TENM4: variants seen among roughly 807,000 people sequenced by gnomAD.
TENM4 encodes the protein teneurin transmembrane protein 4.
A neutral mutation model predicts 243.3 loss-of-function variants in TENM4; 82 were observed. The observed-to-expected ratio is 0.34, with a 90% CI of 0.28 to 0.40. The LOEUF (loss-of-function observed/expected upper bound fraction) is 0.40. Among genes scored for constraint, TENM4 ranks in the 10% least tolerant of loss-of-function variants. The pLI, the probability that TENM4 is intolerant of heterozygous loss-of-function variation, is 1.00. For missense variants in TENM4, 3,138 were observed against 3,673.3 expected, an observed-to-expected ratio of 0.85 and a Z score of 3.77; for synonymous variants, 1,412 against 1,456.3, an observed-to-expected ratio of 0.97 and a Z score of 0.69.
rs560826655 is a variant in TENM4 at position 78,658,008 on chromosome 11, C to T, written c.*50G>A. The T allele has an allele frequency of 5.3e-5, 86 of 1,607,738 alleles. No individual in the cohort carries two copies. The highest frequency in any genetic ancestry group is 1.6e-4 in the Middle Eastern group (1 of 6,078). On this transcript the variant is annotated 3_prime_UTR_variant, in exon 34 of 34. Transcript: ENST00000278550. ...TAAAAGTACAACACAGTCAGGTATG[C>T]GGCCACAAAAGAGTAGCTGTCTTTG...
intron 3 of TENM4, among the ~76,000 whole-genome samples, chr11:79,172,852 G>A (rs1312025016): frequency 6.6e-6 from 1 of 152,018 alleles, no homozygotes; most frequent in African/African-American, 2.4e-5. Flanking sequence ...TGTTGGCCAG[G>A]CTGGTCTGCA....
At chr11:78,658,866 C>T (rs1347850509) in intron 33 of TENM4, 50 bp from the exon 34 acceptor site, 4 of 1,555,390 alleles carry the variant, frequency 2.6e-6, no homozygotes, top group African/African-American at 2.7e-5. Context: ...GGGAAAAAAC[C>T]CTGAGAACCT....
At chr11:78,943,369 G>C (rs1330785904) in intron 6 of TENM4, among the ~76,000 whole-genome samples, 1 of 152,218 alleles carries the variant, frequency 6.6e-6, no homozygotes. Context: ...TGGTGTGGGG[G>C]CAAGGGGTGG....
At chr11:79,154,308 G>A (rs1862562181) in intron 3 of TENM4, among the ~76,000 whole-genome samples, 1 of 151,912 alleles carries the variant, frequency 6.6e-6, no homozygotes, top group South Asian at 2.1e-4. Context: ...GAGAGGAGGT[G>A]CCATGTTCTT....
At chr11:79,285,432 T>C (rs1475769621) in intron 2 of TENM4, among the ~76,000 whole-genome samples, 1 of 152,158 alleles carries the variant, frequency 6.6e-6, no homozygotes, top group Admixed American at 6.5e-5. Flanking sequence ...CGTAGCTATA[T>C]TTGAAAATAG....
intron 21 of TENM4, among the ~76,000 whole-genome samples, chr11:78,730,418 CTG>C (rs1855627848): frequency 6.6e-6 from 1 of 152,188 alleles, no homozygotes; most frequent in Non-Finnish European, 1.5e-5. Flanking sequence ...CTGGCAGGAC[CTG>C]TGGTTCACAG....
At chr11:79,067,573 C>T (rs748757138) in intron 5 of TENM4, among the ~76,000 whole-genome samples, 1 of 150,498 alleles carries the variant, frequency 6.6e-6, no homozygotes, top group Non-Finnish European at 1.5e-5. Context: ...TTTTAAGCAG[C>T]CAGACTCAGC....
At chr11:79,060,478 T>C (rs1565186893) in intron 6 of TENM4, among the ~76,000 whole-genome samples, 2 of 152,234 alleles carry the variant, frequency 1.3e-5, no homozygotes, top group Non-Finnish European at 2.9e-5. Context: ...ACAATTACTA[T>C]TGACTAATGC....
chr11:79,385,374 G>A (rs900816583), intron 1 of TENM4, among the ~76,000 whole-genome samples: 1 of 152,154 alleles, frequency 6.6e-6, no homozygotes, highest in Non-Finnish European at 1.5e-5. Flanking sequence ...TGTTCATTCA[G>A]ATCACATATT....
intron 2 of TENM4, among the ~76,000 whole-genome samples, chr11:79,271,100 G>A (rs1292878697): frequency 6.6e-6 from 1 of 152,068 alleles, no homozygotes; most frequent in Non-Finnish European, 1.5e-5. Flanking sequence ...GGCTAAGAAT[G>A]GAATTAGTCA....
In TENM4 at chr11:79,218,717, A is replaced by G. The variant is rs187933238; in HGVS notation, c.-264-2808T>C. 2.8e-3 allele frequency among the ~76,000 whole-genome samples: 431 copies of G among 152,276 alleles called. 2 individuals are homozygous for G. Among genetic ancestry groups the G allele is most frequent in the Non-Finnish European group, 3.7e-3 (253 of 68,022 alleles). On this transcript the variant is annotated intron_variant, in intron 2 of 33. Transcript: ENST00000278550. ...TTCAATCTGTTTATTTCCTTTTCAAATCCCATCCCTAAATTCCCTTTTTTT... is the reference window on the plus strand; with the variant it reads ...TTCAATCTGTTTATTTCCTTTTCAAGTCCCATCCCTAAATTCCCTTTTTTT...
chr11:79,422,000 G>A (rs1025383395), intron 1 of TENM4, among the ~76,000 whole-genome samples: 3 of 152,004 alleles, frequency 2.0e-5, no homozygotes, highest in South Asian at 2.1e-4. Context: ...CACCCCACAC[G>A]TGGCGCCTGT....
At chr11:78,941,149 C>T (rs1056551293) in intron 6 of TENM4, among the ~76,000 whole-genome samples, 3 of 152,198 alleles carry the variant, frequency 2.0e-5, no homozygotes, top group Non-Finnish European at 2.9e-5. Flanking sequence ...ACCGGATCCC[C>T]GTGGGCTTGA....
intron 2 of TENM4, among the ~76,000 whole-genome samples, chr11:79,251,245 G>T (rs764331762): frequency 3.3e-5 from 5 of 152,182 alleles, no homozygotes; most frequent in Non-Finnish European, 5.9e-5. Flanking sequence ...GACCTTGGAA[G>T]GGTTTCCTCC....
intron 12 of TENM4, among the ~76,000 whole-genome samples, chr11:78,834,468 C>G (rs1357396051): frequency 6.6e-6 from 1 of 152,178 alleles, no homozygotes; most frequent in Non-Finnish European, 1.5e-5. Context: ...AGCTCTGTGT[C>G]AACTGCTGAC....
At chr11:79,214,481 C>T (rs1300314967) in intron 3 of TENM4, among the ~76,000 whole-genome samples, 1 of 152,106 alleles carries the variant, frequency 6.6e-6, no homozygotes, top group Non-Finnish European at 1.5e-5. Context: ...ATGTCTTTGT[C>T]GAATAACTAA....
intron 6 of TENM4, among the ~76,000 whole-genome samples, chr11:78,925,093 C>G (rs574725903): frequency 6.6e-6 from 1 of 152,300 alleles, no homozygotes; most frequent in East Asian, 1.9e-4. Context: ...CCTTCTAAAT[C>G]TTAATTCTTA....
intron 2 of TENM4, among the ~76,000 whole-genome samples, chr11:79,279,829 A>T (rs1159157034): frequency 1.3e-5 from 2 of 152,158 alleles, no homozygotes; most frequent in Admixed American, 1.3e-4. Context: ...CCTCTCCAAA[A>T]TTCACTTTGA....
Position 79,097,641 on chromosome 11 carries a change from A to G in TENM4, c.-65-27632T>C, listed in dbSNP as rs565398945. 2.2e-3 allele frequency: 329 copies of G among 152,332 alleles called. 1 individual carries two copies. The highest frequency in any genetic ancestry group is 7.5e-3 in the African/African-American group (311 of 41,582). The allele number at this position is 152,332 out of a possible 1,614,324, so 9.4% of individuals were successfully genotyped here. On this transcript the variant is annotated intron_variant, in intron 4 of 33. Coordinates refer to ENST00000278550, the MANE Select transcript of TENM4 (RefSeq NM_001098816.3). The stretch of plus-strand genomic sequence containing the variant: ...GAACTTTCTCCAAAAATAAGTAGAA[A>G]AAGTCAAGACCATTTTGCCCTGTAA...
Sources: gnomAD v4.1 joint callset for allele counts (sites outside exome capture counted in the v4.1 genomes callset) on GRCh38, gnomAD v4.1.1 for gene constraint, MANE v1.5 for transcripts, NCBI Gene and HGNC (gene_info 2026-07-23, HGNC 2026-07-21) for gene names.